Variants in ARHGAP26 observed in about 807,000 individuals in gnomAD.
ARHGAP26 encodes rho GTPase-activating protein 26.
ARHGAP26 carries 38 observed loss-of-function variants against 104.8 expected under a neutral mutation model. That is an observed-to-expected ratio of 0.36 (90% CI 0.28 to 0.48). The LOEUF (loss-of-function observed/expected upper bound fraction) is 0.48, where lower values mean the gene tolerates loss of function less well. ARHGAP26 is among the 20% of genes least tolerant of loss of function. The pLI is 0.99. For synonymous variants in ARHGAP26, 341 were observed against 340.0 expected (o/e 1.00, Z -0.03); for missense variants, 704 against 947.9 (o/e 0.74, Z 3.38).
intron 17 of ARHGAP26, among the ~76,000 whole-genome samples, chr5:143,105,277 T>G (rs568865946): frequency 7.9e-5 from 12 of 152,158 alleles, no homozygotes; most frequent in African/African-American, 2.9e-4. Flanking sequence ...CTCAGGAGGC[T>G]GAGGCAGGAG....
intron 20 of ARHGAP26, among the ~76,000 whole-genome samples, chr5:143,199,789 C>T (rs1807425091): frequency 6.6e-6 from 1 of 152,224 alleles, no homozygotes; most frequent in Non-Finnish European, 1.5e-5. Flanking sequence ...TCTCCAAAGT[C>T]TGACACTGTG....
At chr5:143,179,031 G>C (rs769134452) in intron 20 of ARHGAP26, among the ~76,000 whole-genome samples, 13 of 152,018 alleles carry the variant, frequency 8.6e-5, no homozygotes, top group African/African-American at 1.2e-4. Flanking sequence ...CACCACACCT[G>C]GCTAATTTTT....
chr5:143,116,984 A>C (rs2150757520), intron 17 of ARHGAP26, among the ~76,000 whole-genome samples: 1 of 152,334 alleles, frequency 6.6e-6, no homozygotes, highest in East Asian at 1.9e-4. Flanking sequence ...TATCACATGC[A>C]AAACTGTTTC....
chr5:142,789,661 TG>T (rs1759386780), intron 1 of ARHGAP26, among the ~76,000 whole-genome samples: 1 of 152,226 alleles, frequency 6.6e-6, no homozygotes, highest in Admixed American at 6.5e-5. Context: ...CTCCATTCGC[TG>T]GTCATGAATT....
At chr5:143,098,079 G>T (rs181531665) in intron 17 of ARHGAP26, among the ~76,000 whole-genome samples, 34 of 152,054 alleles carry the variant, frequency 2.2e-4, no homozygotes, top group African/African-American at 8.0e-4. Context: ...TTATAATAGC[G>T]CTGCCTCAAT....
At chr5:142,950,559 C>T (rs1238287826) in intron 11 of ARHGAP26, among the ~76,000 whole-genome samples, 4 of 151,880 alleles carry the variant, frequency 2.6e-5, no homozygotes, top group Admixed American at 6.6e-5. Flanking sequence ...TTTTTTGCTG[C>T]ATTTATTTTT....
At chr5:142,792,916 A>G (rs933292865) in intron 1 of ARHGAP26, among the ~76,000 whole-genome samples, 2 of 152,150 alleles carry the variant, frequency 1.3e-5, no homozygotes, top group African/African-American at 4.8e-5. Flanking sequence ...TTGAAAGCCT[A>G]TTTCATCTAT....
At chr5:142,887,973 C>T (rs1757962242) in intron 5 of ARHGAP26, among the ~76,000 whole-genome samples, 2 of 151,836 alleles carry the variant, frequency 1.3e-5, no homozygotes, top group African/African-American at 4.8e-5. Context: ...TCAAAAAAAA[C>T]CAAAAACCAA....
intron 5 of ARHGAP26, among the ~76,000 whole-genome samples, chr5:142,893,367 G>T (rs1490219957): frequency 6.6e-6 from 1 of 152,152 alleles, no homozygotes; most frequent in East Asian, 1.9e-4. Context: ...ATAAGAAGAT[G>T]TGATATTTGT....
chr5:142,795,961 TC>T, intron 1 of ARHGAP26, among the ~76,000 whole-genome samples: 1 of 152,224 alleles, frequency 6.6e-6, no homozygotes, highest in African/African-American at 2.4e-5. Context: ...CCTGACAGCC[TC>T]CCCCATCCCA....
At chr5:143,171,377 A>G (rs967355804) in intron 20 of ARHGAP26, among the ~76,000 whole-genome samples, 1 of 152,184 alleles carries the variant, frequency 6.6e-6, no homozygotes, top group African/African-American at 2.4e-5. Context: ...ATTCCTGGCC[A>G]TGGTTTGTAG....
intron 12 of ARHGAP26, among the ~76,000 whole-genome samples, chr5:143,027,001 G>T (rs1160727797): frequency 6.6e-6 from 1 of 152,106 alleles, no homozygotes; most frequent in Non-Finnish European, 1.5e-5. Context: ...GATATAGGGT[G>T]TGAGAGAAAG....
chr5:143,142,879 T>C (rs866762255), intron 19 of ARHGAP26, among the ~76,000 whole-genome samples: 10 of 152,208 alleles, frequency 6.6e-5, no homozygotes, highest in African/African-American at 1.4e-4. Flanking sequence ...AAAGTACACC[T>C]CTCTCCTGAC....
chr5:143,092,122 T>C (rs1484033134), intron 17 of ARHGAP26, among the ~76,000 whole-genome samples: 1 of 152,058 alleles, frequency 6.6e-6, no homozygotes, highest in Non-Finnish European at 1.5e-5. Flanking sequence ...TTCTTCGACA[T>C]GCCTCAACTT....
At chr5:142,781,657 G>T (rs1757510171) in intron 1 of ARHGAP26, among the ~76,000 whole-genome samples, 1 of 152,112 alleles carries the variant, frequency 6.6e-6, no homozygotes, top group Non-Finnish European at 1.5e-5. Context: ...TTACTCAGTG[G>T]GATCACAATT....
chr5:142,983,525 T>A (rs1052329002), intron 11 of ARHGAP26, among the ~76,000 whole-genome samples: 2 of 152,202 alleles, frequency 1.3e-5, no homozygotes, highest in Non-Finnish European at 2.9e-5. Flanking sequence ...GTTTCTATTG[T>A]TTTCAAAATG....
chr5:142,875,294 A>G, intron 3 of ARHGAP26, 123 bp downstream of exon 3: 1 of 925,392 alleles, frequency 1.1e-6, no homozygotes, highest in East Asian at 2.5e-5. Context: ...TGAGCTCTTC[A>G]GCAAGCCTCA....
chr5:143,085,571 C>G (rs1435271083), intron 17 of ARHGAP26, among the ~76,000 whole-genome samples: 1 of 152,136 alleles, frequency 6.6e-6, no homozygotes, highest in African/African-American at 2.4e-5. Context: ...ATTTTTAAGC[C>G]AGATAATTAG....
intron 22 of ARHGAP26, among the ~76,000 whole-genome samples, chr5:143,221,792 G>A (rs112485559): frequency 4.9e-4 from 75 of 152,244 alleles, no homozygotes; most frequent in African/African-American, 1.7e-3. Flanking sequence ...CAAGGTACTG[G>A]CATTACAGGC....
Sources: gnomAD v4.1 joint callset for allele counts (sites outside exome capture counted in the v4.1 genomes callset) on GRCh38, gnomAD v4.1.1 for gene constraint, MANE v1.5 for transcripts, NCBI Gene and HGNC (gene_info 2026-07-23, HGNC 2026-07-21) for gene names.